Variants in CRADD observed in about 807,000 individuals in gnomAD.
The protein encoded by CRADD is death domain-containing protein CRADD.
A neutral mutation model predicts 15.5 loss-of-function variants in CRADD; 9 were observed. The ratio of observed to expected loss-of-function variants is 0.58; its 90% CI spans 0.35 to 1.01. The LOEUF (loss-of-function observed/expected upper bound fraction) is 1.01, where lower values mean the gene tolerates loss of function less well. Ranked by LOEUF, CRADD falls within the 50% of genes least tolerant of loss-of-function variation. CRADD has a pLI of 0.02. For missense variants in CRADD, 227 were observed against 250.3 expected, an observed-to-expected ratio of 0.91 and a Z score of 0.63; for synonymous variants, 118 against 107.6, an observed-to-expected ratio of 1.10 and a Z score of -0.60.
intron 2 of CRADD, among the ~76,000 whole-genome samples, chr12:93,816,422 TCACC>T (rs1957698564): frequency 7.1e-6 from 1 of 140,728 alleles, no homozygotes; most frequent in Non-Finnish European, 1.5e-5. Flanking sequence ...AGGCAGGGTT[TCACC>T]ATGTTCGTCA....
At chr12:93,713,474 G>A (rs1412918302) in intron 2 of CRADD, among the ~76,000 whole-genome samples, 1 of 152,084 alleles carries the variant, frequency 6.6e-6, no homozygotes, top group Non-Finnish European at 1.5e-5. Context: ...AGATGCTCAA[G>A]TTCCTCATAT....
chr12:93,711,500 A>G (rs1956074094), intron 2 of CRADD, among the ~76,000 whole-genome samples: 1 of 152,136 alleles, frequency 6.6e-6, no homozygotes, highest in African/African-American at 2.4e-5. Flanking sequence ...ACTCCTCATC[A>G]TAAATTAGCT....
chr12:93,701,359 G>T (rs1955842130), intron 2 of CRADD, among the ~76,000 whole-genome samples: 1 of 150,234 alleles, frequency 6.7e-6, no homozygotes, highest in South Asian at 2.1e-4. Context: ...CAGGGCTGTG[G>T]GCTGGTGTGA....
At chr12:93,833,396 T>A (rs1460316920) in intron 2 of CRADD, among the ~76,000 whole-genome samples, 2 of 152,168 alleles carry the variant, frequency 1.3e-5, no homozygotes, top group East Asian at 3.9e-4. Context: ...TGGAGTGCAG[T>A]GGCACTCTCA....
intron 2 of CRADD, chr12:93,707,735 A>C (rs1313269071): frequency 6.6e-6 from 1 of 152,194 alleles, no homozygotes; most frequent in African/African-American, 2.4e-5. Flanking sequence ...CATTGGGAGA[A>C]GAAACAAAGG....
chr12:93,867,397 ATATATATT>A (rs1347238374), intron 2 of CRADD, among the ~76,000 whole-genome samples: 9 of 138,156 alleles, frequency 6.5e-5, no homozygotes, highest in Non-Finnish European at 9.6e-5. Context: ...ACATATATAT[ATATATATT>A]TTTTAAACTT....
chr12:93,880,213 C>T (rs1440601797), intron 2 of CRADD, among the ~76,000 whole-genome samples: 1 of 152,166 alleles, frequency 6.6e-6, no homozygotes, highest in Non-Finnish European at 1.5e-5. Context: ...TTACGGATCA[C>T]ATTTCACTGG....
chr12:93,720,322 T>C (rs1016800897), intron 2 of CRADD, among the ~76,000 whole-genome samples: 1 of 152,206 alleles, frequency 6.6e-6, no homozygotes, highest in Non-Finnish European at 1.5e-5. Context: ...TTTAAATTTA[T>C]TAGAGTGTGT....
intron 2 of CRADD, among the ~76,000 whole-genome samples, chr12:93,685,866 G>T (rs145047102): frequency 6.6e-6 from 1 of 150,748 alleles, no homozygotes; most frequent in African/African-American, 2.4e-5. Context: ...GGTGGCAGGC[G>T]CCTGGAATCC....
intron 2 of CRADD, among the ~76,000 whole-genome samples, chr12:93,700,068 G>A (rs1955807537): frequency 1.3e-5 from 2 of 152,196 alleles, no homozygotes; most frequent in South Asian, 4.1e-4. Flanking sequence ...AGGGGAAGAA[G>A]CCAGTCCAGA....
chr12:93,842,841 T>G (rs1958065228), intron 2 of CRADD, among the ~76,000 whole-genome samples: 1 of 150,236 alleles, frequency 6.7e-6, no homozygotes, highest in Admixed American at 6.6e-5. Flanking sequence ...GGGGGAGGTG[T>G]TTCCATTTTC....
At chr12:93,752,003 GGGCC>G (rs1956834039) in intron 2 of CRADD, among the ~76,000 whole-genome samples, 1 of 152,166 alleles carries the variant, frequency 6.6e-6, no homozygotes, top group African/African-American at 2.4e-5. Flanking sequence ...GGAGGTAGTC[GGGCC>G]GGCAAGTAAC....
chr12:93,767,972 G>A (rs1456755591), intron 2 of CRADD, among the ~76,000 whole-genome samples: 2 of 152,188 alleles, frequency 1.3e-5, no homozygotes, highest in Non-Finnish European at 1.5e-5. Context: ...AAAGAATTAA[G>A]TATATACATT....
At chr12:93,678,499 T>C (rs1293132589) in intron 1 of CRADD, among the ~76,000 whole-genome samples, 1 of 152,146 alleles carries the variant, frequency 6.6e-6, no homozygotes, top group Non-Finnish European at 1.5e-5. Flanking sequence ...TTTTTCCAAA[T>C]TTCTTTATTG....
chr12:93,682,366 C>T (rs1423284296), intron 2 of CRADD, among the ~76,000 whole-genome samples: 1 of 152,194 alleles, frequency 6.6e-6, no homozygotes, highest in Non-Finnish European at 1.5e-5. Context: ...ACCTTTTCCT[C>T]ATTTTGATCA....
At chr12:93,893,508 T>TAA (rs1211601729) in intron 2 of CRADD, among the ~76,000 whole-genome samples, 2 of 149,608 alleles carry the variant, frequency 1.3e-5, no homozygotes, top group Admixed American at 1.3e-4. Context: ...AGAAAAAAAA[T>TAA]AAAGAGAAAA....
chr12:93,696,136 G>A (rs1216813555), intron 2 of CRADD, among the ~76,000 whole-genome samples: 1 of 152,166 alleles, frequency 6.6e-6, no homozygotes, highest in East Asian at 1.9e-4. Flanking sequence ...TGCATACTTG[G>A]TGAGAATGTG....
intron 2 of CRADD, among the ~76,000 whole-genome samples, chr12:93,746,403 A>G (rs1400840879): frequency 1.3e-5 from 2 of 152,214 alleles, no homozygotes; most frequent in African/African-American, 4.8e-5. Context: ...ATATTCCAAT[A>G]TGCTCCTCAG....
chr12:93,691,716 C>T (rs1216103978), intron 2 of CRADD, among the ~76,000 whole-genome samples: 1 of 152,186 alleles, frequency 6.6e-6, no homozygotes, highest in Non-Finnish European at 1.5e-5. Context: ...GCCCTCCCCA[C>T]CTCTAAGGCT....
Sources: allele counts gnomAD v4.1 joint callset (sites outside exome capture counted in the v4.1 genomes callset), GRCh38; gene constraint gnomAD v4.1.1; transcripts MANE v1.5; gene names NCBI Gene and HGNC (gene_info 2026-07-23, HGNC 2026-07-21).